Variants in NCAM2 observed in about 807,000 individuals in gnomAD.
NCAM2 encodes the protein neural cell adhesion molecule 2.
A neutral mutation model predicts 98.1 loss-of-function variants in NCAM2; 30 were observed. The observed-to-expected ratio is 0.31, with a 90% CI of 0.23 to 0.41. NCAM2 has a LOEUF of 0.41. NCAM2 is among the 10% of genes least tolerant of loss of function. The pLI is 1.00. For synonymous variants in NCAM2, 368 were observed against 342.4 expected (o/e 1.07, Z -0.83); for missense variants, 867 against 1,005.8 (o/e 0.86, Z 1.87).
chr21:21,188,482 G>A (rs574607703), intron 1 of NCAM2, among the ~76,000 whole-genome samples: 2 of 152,122 alleles, frequency 1.3e-5, no homozygotes, highest in East Asian at 3.9e-4. Context: ...AACTAGCTAT[G>A]GGTTAAAATA....
chr21:21,495,200 T>C (rs1037546838), intron 15 of NCAM2, among the ~76,000 whole-genome samples: 16 of 152,110 alleles, frequency 1.1e-4, no homozygotes, highest in African/African-American at 3.6e-4. Flanking sequence ...ACGTATATAT[T>C]ATACAATTTC....
intron 1 of NCAM2, among the ~76,000 whole-genome samples, chr21:21,136,641 TA>T (rs1569063043): frequency 2.3e-5 from 3 of 127,920 alleles, no homozygotes; most frequent in East Asian, 2.3e-4. Context: ...TTTTTTTTTT[TA>T]TTTTTAGTAG....
At position 21,477,484 on chromosome 21, in the gene NCAM2, A is replaced by C. The variant is rs199632421; in HGVS notation, c.2077+13A>C. On this transcript the variant is annotated intron_variant, in intron 15 of 17. Coordinates refer to ENST00000400546, the MANE Select transcript of NCAM2 (RefSeq NM_004540.5). ...AACATTATTAAAGGTAAGCAAAACT[A>C]TATTCTTTTTTAGACTGAACAATAA... 2 of 1,566,606 alleles carry C rather than the reference A, an allele frequency of 1.3e-6. No individual in the cohort carries two copies. The highest frequency in any genetic ancestry group is 2.4e-5 in the South Asian group (2 of 84,340).
chr21:21,088,870 G>A (rs566893258), intron 1 of NCAM2, among the ~76,000 whole-genome samples: 5 of 152,144 alleles, frequency 3.3e-5, no homozygotes, highest in African/African-American at 1.2e-4. Flanking sequence ...TACTCGGGAG[G>A]CTGAGGCAGG....
intron 1 of NCAM2, among the ~76,000 whole-genome samples, chr21:21,142,569 C>T (rs983449582): frequency 6.6e-6 from 1 of 151,658 alleles, no homozygotes; most frequent in Non-Finnish European, 1.5e-5. Context: ...TTGAAAGAGA[C>T]GGGGTTTCAC....
intron 8 of NCAM2, among the ~76,000 whole-genome samples, chr21:21,352,805 A>T (rs978821024): frequency 3.2e-5 from 4 of 125,612 alleles, no homozygotes; most frequent in African/African-American, 9.6e-5. Flanking sequence ...TTAAAGTATA[A>T]AAAAAAAAAG....
intron 16 of NCAM2, 141 bp from the exon 17 acceptor site, chr21:21,534,396 A>G (rs1481083961): frequency 3.3e-6 from 2 of 603,460 alleles, no homozygotes; most frequent in African/African-American, 1.9e-5. Context: ...ATGGTAAAGC[A>G]TTTCTCAGTG....
chr21:21,199,376 C>A (rs931740613), intron 1 of NCAM2, among the ~76,000 whole-genome samples: 1 of 152,130 alleles, frequency 6.6e-6, no homozygotes, highest in Admixed American at 6.5e-5. Context: ...ACAACCATAT[C>A]TAAAATATTC....
chr21:21,363,608 A>G (rs1048093571), intron 8 of NCAM2, among the ~76,000 whole-genome samples: 1 of 152,120 alleles, frequency 6.6e-6, no homozygotes, highest in Non-Finnish European at 1.5e-5. Flanking sequence ...ATAGTGTTTT[A>G]TTAATCATCT....
intron 1 of NCAM2, among the ~76,000 whole-genome samples, chr21:21,220,080 A>G (rs916906822): frequency 1.6e-4 from 24 of 152,148 alleles, no homozygotes; most frequent in African/African-American, 5.3e-4. Flanking sequence ...ACCTTTATAA[A>G]GTAAAAAAAG....
chr21:21,164,944 T>A (rs1001956432), intron 1 of NCAM2, among the ~76,000 whole-genome samples: 1 of 152,178 alleles, frequency 6.6e-6, no homozygotes, highest in African/African-American at 2.4e-5. Flanking sequence ...ACTACAAAAA[T>A]TGATTGAATT....
At chr21:21,335,262 A>C (rs561692698) in intron 6 of NCAM2, among the ~76,000 whole-genome samples, 1 of 152,304 alleles carries the variant, frequency 6.6e-6, no homozygotes, top group Non-Finnish European at 1.5e-5. Flanking sequence ...GTAACTATTA[A>C]GATTTTGACA....
chr21:21,324,216 C>A (rs988230486), intron 5 of NCAM2, among the ~76,000 whole-genome samples, 167 bp from the exon 6 acceptor site: 1 of 151,926 alleles, frequency 6.6e-6, no homozygotes, highest in African/African-American at 2.4e-5. Context: ...AAAAAGAACG[C>A]AGATCAGTGA....
chr21:21,125,866 T>C (rs983778248), intron 1 of NCAM2, among the ~76,000 whole-genome samples: 1 of 151,524 alleles, frequency 6.6e-6, no homozygotes, highest in African/African-American at 2.4e-5. Flanking sequence ...CATTTTCCAT[T>C]CATTTTCAGA....
At chr21:21,069,805 T>A (rs777267331) in intron 1 of NCAM2, among the ~76,000 whole-genome samples, 25 of 152,150 alleles carry the variant, frequency 1.6e-4, no homozygotes, top group Non-Finnish European at 3.4e-4. Context: ...TCTCGATGTC[T>A]ACCTGGAAAC....
At chr21:21,503,810 A>G (rs1420659327) in intron 15 of NCAM2, among the ~76,000 whole-genome samples, 1 of 151,958 alleles carries the variant, frequency 6.6e-6, no homozygotes, top group Admixed American at 6.6e-5. Context: ...ACTGATTCTC[A>G]CAGTTGCTTT....
At chr21:21,537,468 A>G (rs1218618954) in intron 17 of NCAM2, among the ~76,000 whole-genome samples, 5 of 152,150 alleles carry the variant, frequency 3.3e-5, no homozygotes, top group Non-Finnish European at 7.3e-5. Flanking sequence ...TTTACCTTCC[A>G]TAACATGTAA....
At chr21:21,039,210 A>T (rs2064855076) in intron 1 of NCAM2, among the ~76,000 whole-genome samples, 1 of 152,086 alleles carries the variant, frequency 6.6e-6, no homozygotes, top group Non-Finnish European at 1.5e-5. Context: ...ACACCCTCCC[A>T]GCGTCTAGTA....
At chr21:21,076,527 T>A (rs991330458) in intron 1 of NCAM2, among the ~76,000 whole-genome samples, 2 of 152,182 alleles carry the variant, frequency 1.3e-5, no homozygotes, top group African/African-American at 4.8e-5. Flanking sequence ...CATTCCCTCT[T>A]CCGTCCTTTG....
Sources: gnomAD v4.1 joint callset for allele counts (sites outside exome capture counted in the v4.1 genomes callset) on GRCh38, gnomAD v4.1.1 for gene constraint, MANE v1.5 for transcripts, NCBI Gene and HGNC (gene_info 2026-07-23, HGNC 2026-07-21) for gene names.